GAS1: variants seen among roughly 807,000 people sequenced by gnomAD.
GAS1 encodes growth arrest specific 1, also known as growth arrest-specific protein 1.
In GAS1, 10 loss-of-function variants were observed where a neutral mutation model predicts 21.6. That is an observed-to-expected ratio of 0.46 (90% CI 0.29 to 0.79). The LOEUF is 0.79. GAS1 is among the 30% of genes least tolerant of loss of function. The pLI, the probability that GAS1 is intolerant of heterozygous loss-of-function variation, is 0.10. For synonymous variants in GAS1, 332 were observed against 264.0 expected, an observed-to-expected ratio of 1.26 and a Z score of -2.50; for missense variants, 567 against 544.3, an observed-to-expected ratio of 1.04 and a Z score of -0.42.
chr9:86,945,642 C>T lies in GAS1; in HGVS notation c.*100G>A, dbSNP rs982167978. On this transcript the variant is annotated 3_prime_UTR_variant, in exon 1 of 1. Transcript: ENST00000298743. ...TTTTGGGAAGTATCCCCAACCATCCCTTCTATCTGTCCCAAGCCACAGGTG... is the reference window on the plus strand; with the variant it reads ...TTTTGGGAAGTATCCCCAACCATCCTTTCTATCTGTCCCAAGCCACAGGTG... 5.0e-5 allele frequency: 62 copies of T among 1,231,888 alleles called. No individual in the cohort carries two copies. The highest frequency in any genetic ancestry group is 6.4e-5 in the Non-Finnish European group (60 of 934,988). 76.3% of individuals were successfully genotyped at this position (1,231,888 alleles called of 1,614,324 possible).
rs1825502892 is a variant in GAS1 at position 86,946,743 on chromosome 9, G to C, written c.37C>G (p.Arg13Gly). 2 of 1,245,126 alleles carry C rather than the reference G, an allele frequency of 1.6e-6. No individual in the cohort carries two copies. The highest frequency in any genetic ancestry group is 2.1e-5 in the South Asian group (1 of 47,912). 77.1% of individuals were successfully genotyped at this position (1,245,126 alleles called of 1,614,324 possible). The change falls in exon 1 of 1, where the codon CGC becomes GGC. Residue 13 changes from arginine to glycine, a missense_variant. Transcript: ENST00000298743. The surrounding 1 kb of genome is among the most constrained non-coding windows in gnomAD (Gnocchi z 5.2). ...CAGGCGCCCGGCACTGTCCCCCCGCGGGCCTCGCCGCCGCCGCCCAGCAGC... is the reference window on the plus strand; with the variant it reads ...CAGGCGCCCGGCACTGTCCCCCCGCCGGCCTCGCCGCCGCCGCCCAGCAGC... ...AALLGGGGEA[R>G]GGTVPGAWLC... is the part of the protein sequence containing the mutation.
chr9:86,945,958 G>A lies in GAS1; in HGVS notation c.822C>T (p.Arg274=), dbSNP rs368871405. Residue 274 remains arginine, a synonymous_variant, in exon 1 of 1, where the codon CGC becomes CGT. Coordinates refer to ENST00000298743, the MANE Select transcript of GAS1 (RefSeq NM_002048.3). ...GCTGCTCACCACCCGCGCCCCCGGT[G>A]CGCTGCTCGTCATCGTAGTCCTCAT... ...YYDEDYDDEQ[R]TGGAGGEQPL... The A allele has an allele frequency of 1.3e-5, 21 of 1,600,106 alleles. No homozygotes were observed. In the East Asian group the frequency reaches 4.5e-4, roughly 34 times the overall value.
At position 86,946,964 on chromosome 9, in the gene GAS1, T is replaced by G. The variant is rs1007776515; in HGVS notation, c.-185A>C. On this transcript the variant is annotated 5_prime_UTR_variant, in exon 1 of 1. Coordinates refer to ENST00000298743, the MANE Select transcript of GAS1 (RefSeq NM_002048.3). This position sits in a 1 kb window ranked among gnomAD's most constrained non-coding sequence, Gnocchi z 5.2. ...GCAGAAGGTCCCCTTTCGCTCTGGC[T>G]GCGGTGGCTTCCTGGAAATGAACAG... 1.5e-5 allele frequency: 5 copies of G among 330,408 alleles called. No homozygotes were observed. Among genetic ancestry groups the G allele is most frequent in the Admixed American group, 1.0e-4 (2 of 19,906 alleles). 20.5% of individuals were successfully genotyped at this position (330,408 alleles called of 1,614,324 possible).
rs1283824513 is a variant in GAS1, at chr9:86,946,502, G to C, written c.278C>G (p.Pro93Arg). The C allele has an allele frequency of 2.1e-6, 3 of 1,442,810 alleles. No homozygotes were observed. The highest frequency in any genetic ancestry group is 1.3e-5 in the South Asian group (1 of 74,506). 89.4% of individuals were successfully genotyped at this position (1,442,810 alleles called of 1,614,324 possible). A position where few individuals can be genotyped will look rare whatever the true frequency, so the allele number is the denominator to read the frequency against. ...DAPGAAAAAF[P>R]ASAASFSSRW... is the part of the protein sequence containing the mutation. The stretch of plus-strand genomic sequence containing the variant: ...CGACGAGAAAGAGGCGGCCGAGGCC[G>C]GGAAAGCGGCGGCGGCGGCCCCGGG... The change falls in exon 1 of 1, where the codon CCG becomes CGG. Residue 93 changes from proline (P) to arginine (R), a missense_variant. Pro to Arg is a moderately radical substitution (Grantham distance 103). Transcript: ENST00000298743. This position sits in a 1 kb window ranked among gnomAD's most constrained non-coding sequence, Gnocchi z 5.2.
rs758487819 is a variant in GAS1 at position 86,945,922 on chromosome 9, G to T, written c.858C>A (p.Asp286Glu). Residue 286 changes from aspartate to glutamate, a missense_variant, in exon 1 of 1, where the codon GAC (aspartate) becomes GAA (glutamate). Transcript: ENST00000298743. The part of the protein sequence containing the change: ...GGAGGEQPLD[D>E]DDGVPHPPRP... The stretch of plus-strand genomic sequence containing the variant: ...GCGGTGGGTGCGGGACGCCGTCGTC[G>T]TCGTCCAGCGGCTGCTCACCACCCG... 56 of 1,573,660 alleles carry T rather than the reference G, an allele frequency of 3.6e-5. No homozygotes were observed. The highest frequency in any genetic ancestry group is 4.8e-5 in the Non-Finnish European group (56 of 1,163,070).
chr9:86,946,716 G>T lies in GAS1; in HGVS notation c.64C>A (p.Leu22Met), dbSNP rs1301589881. The T allele has an allele frequency of 7.2e-7, 1 of 1,384,084 alleles. No homozygotes were observed. 85.7% of individuals were successfully genotyped at this position (1,384,084 alleles called of 1,614,324 possible). A position where few individuals can be genotyped will look rare whatever the true frequency, so the allele number is the denominator to read the frequency against. ...AGCTGCAGCAGCGCCATCAGGCACAGCCAGGCGCCCGGCACTGTCCCCCCG... is the reference window on the plus strand; with the variant it reads ...AGCTGCAGCAGCGCCATCAGGCACATCCAGGCGCCCGGCACTGTCCCCCCG... Reference protein sequence around the residue: ...ARGGTVPGAWLCLMALLQLLG... With the variant: ...ARGGTVPGAWMCLMALLQLLG... Residue 22 changes from leucine (L) to methionine (M), a missense_variant, in exon 1 of 1, where the codon CTG becomes ATG. Leu to Met is a conservative substitution (Grantham distance 15). Coordinates refer to ENST00000298743, the MANE Select transcript of GAS1 (RefSeq NM_002048.3). The surrounding 1 kb of genome is among the most constrained non-coding windows in gnomAD (Gnocchi z 5.2).
Position 86,946,644 on chromosome 9 carries a change from G to C in GAS1, c.136C>G (p.Leu46Val). 1 of 1,446,822 alleles carries C rather than the reference G, an allele frequency of 6.9e-7. No individual in the cohort carries two copies. Among genetic ancestry groups the C allele is most frequent in the Non-Finnish European group, 9.1e-7 (1 of 1,101,624 alleles). The allele number at this position is 1,446,822 out of a possible 1,614,324, so 89.6% of individuals were successfully genotyped here. ...TGCAGCAGCGCCTGCCAGCAGATGA[G>C]GCGGCGGCCGTGCGCCAGCCCCGAT... ...RGSGLAHGRR[L>V]ICWQALLQCQ... Residue 46 changes from leucine to valine, a missense_variant, in exon 1 of 1, where the codon CTC becomes GTC. Leu to Val is a conservative substitution (Grantham distance 32, BLOSUM62 1). Coordinates refer to ENST00000298743, the MANE Select transcript of GAS1 (RefSeq NM_002048.3). This position sits in a 1 kb window ranked among gnomAD's most constrained non-coding sequence, Gnocchi z 5.2.
chr9:86,944,691 G>A lies in GAS1; in HGVS notation c.*1051C>T, dbSNP rs1825454566. ...ATTTCAGGGGGGAAAGGTGTAATATGGATGTGAGTTTAAAACTTTTAATTT... is the reference window on the plus strand; with the variant it reads ...ATTTCAGGGGGGAAAGGTGTAATATAGATGTGAGTTTAAAACTTTTAATTT... On this transcript the variant is annotated 3_prime_UTR_variant, in exon 1 of 1. Coordinates refer to ENST00000298743, the MANE Select transcript of GAS1 (RefSeq NM_002048.3). 6.6e-6 allele frequency: 1 copy of A among 152,204 alleles called. No individual in the cohort carries two copies. The highest frequency in any genetic ancestry group is 2.1e-4 in the South Asian group (1 of 4,814). The allele number at this position is 152,204 out of a possible 1,614,324, so 9.4% of individuals were successfully genotyped here.
Position 86,946,822 on chromosome 9 carries a change from G to T in GAS1, c.-43C>A. On this transcript the variant is annotated 5_prime_UTR_variant, in exon 1 of 1. An upstream open reading frame in the 5' UTR gains an earlier in-frame stop. Coordinates refer to ENST00000298743, the MANE Select transcript of GAS1 (RefSeq NM_002048.3). This position sits in a 1 kb window ranked among gnomAD's most constrained non-coding sequence, Gnocchi z 5.2. Reference sequence around the variant, plus strand: ...GCCGGGAGAGGAGGGGAAAGGAGACGAGGCGCGGGGAGCGGCGGACGCGGA... The same window carrying T: ...GCCGGGAGAGGAGGGGAAAGGAGACTAGGCGCGGGGAGCGGCGGACGCGGA... 1.8e-6 allele frequency: 1 copy of T among 548,378 alleles called. No homozygotes were observed. Among genetic ancestry groups the T allele is most frequent in the Non-Finnish European group, 2.9e-6 (1 of 341,958 alleles). The allele number at this position is 548,378 out of a possible 1,614,324, so 34.0% of individuals were successfully genotyped here. A position where few individuals can be genotyped will look rare whatever the true frequency, so the allele number is the denominator to read the frequency against.
rs1442233370 is a variant in GAS1 at position 86,945,826 on chromosome 9, G to C, written c.954C>G (p.Ser318Arg). ...GGGGCGCCAAGCGGCCGCCGCCGCC[G>C]CTGCTCCTGCGCCCAGGCCCATAGG... Reference protein sequence around the residue: ...DLPYGPGRRSSGGGGRLAPRG... With the variant: ...DLPYGPGRRSRGGGGRLAPRG... The change falls in exon 1 of 1, where the codon AGC (serine) becomes AGG (arginine). Residue 318 changes from serine to arginine, a missense_variant. Coordinates refer to ENST00000298743, the MANE Select transcript of GAS1 (RefSeq NM_002048.3). 6.6e-7 allele frequency: 1 copy of C among 1,513,140 alleles called. No homozygotes were observed. The highest frequency in any genetic ancestry group is 8.8e-7 in the Non-Finnish European group (1 of 1,132,454). The allele number at this position is 1,513,140 out of a possible 1,614,324, so 93.7% of individuals were successfully genotyped here. A position where few individuals can be genotyped will look rare whatever the true frequency, so the allele number is the denominator to read the frequency against.
rs958204986 is a variant in GAS1 at position 86,945,749 on chromosome 9, A to T, written c.1031T>A (p.Leu344His). ...CGGCGGGGGGCGCGAGGGCTAAAAG[A>T]GCGGCCCAAGCAGCAGCAGCAAGAT... ...ASILLLLLGP[L>H]F Residue 344 changes from leucine to histidine, a missense_variant, in exon 1 of 1, where the codon CTC becomes CAC. Transcript: ENST00000298743. 4.0e-6 allele frequency: 6 copies of T among 1,517,974 alleles called. No individual in the cohort carries two copies. The highest frequency in any genetic ancestry group is 5.3e-6 in the Non-Finnish European group (6 of 1,131,332). 94.0% of individuals were successfully genotyped at this position (1,517,974 alleles called of 1,614,324 possible).
chr9:86,946,786 C>T lies in GAS1; in HGVS notation c.-7G>A. 1.1e-6 allele frequency: 1 copy of T among 873,976 alleles called. No homozygotes were observed. The allele number at this position is 873,976 out of a possible 1,614,324, so 54.1% of individuals were successfully genotyped here. ...CCAGCAGCGCGGCCACCATCGCGGG[C>T]AGCGGCGGCCGCCGGGAGAGGAGGG... On this transcript the variant is annotated 5_prime_UTR_variant, in exon 1 of 1. Transcript: ENST00000298743. The surrounding 1 kb of genome is among the most constrained non-coding windows in gnomAD (Gnocchi z 5.2).
In GAS1 at chr9:86,946,264, G is replaced by C; in HGVS notation, c.516C>G (p.Arg172=). 6.4e-7 allele frequency: 1 copy of C among 1,553,700 alleles called. No individual in the cohort carries two copies. The highest frequency in any genetic ancestry group is 8.6e-7 in the Non-Finnish European group (1 of 1,156,870). ...GVMGCTEARR[R]CDRDSRCNLA... ...GGTTGCAGCGGCTGTCGCGGTCGCA[G>C]CGCCGCCGGGCCTCGGTGCAGCCCA... is the stretch of plus-strand genomic sequence containing the variant. The change falls in exon 1 of 1, where the codon CGC becomes CGG. Residue 172 remains arginine, a synonymous_variant. Coordinates refer to ENST00000298743, the MANE Select transcript of GAS1 (RefSeq NM_002048.3). The surrounding 1 kb of genome is among the most constrained non-coding windows in gnomAD (Gnocchi z 5.2).
At position 86,946,278 on chromosome 9, in the gene GAS1, C is replaced by G; in HGVS notation, c.502G>C (p.Glu168Gln). The G allele has an allele frequency of 6.5e-7, 1 of 1,535,038 alleles. No individual in the cohort carries two copies. Among genetic ancestry groups the G allele is most frequent in the Non-Finnish European group, 8.7e-7 (1 of 1,146,832 alleles). Reference protein sequence around the residue: ...PGAGGVMGCTEARRRCDRDSR... With the variant: ...PGAGGVMGCTQARRRCDRDSR... ...TCGCGGTCGCAGCGCCGCCGGGCCT[C>G]GGTGCAGCCCATGACCCCGCCCGCG... Residue 168 changes from glutamate (E) to glutamine (Q), a missense_variant, in exon 1 of 1, where the codon GAG becomes CAG. By Grantham distance (29) the Glu-to-Gln change is conservative. Transcript: ENST00000298743. This position sits in a 1 kb window ranked among gnomAD's most constrained non-coding sequence, Gnocchi z 5.2.
Position 86,946,419 on chromosome 9 carries a change from G to A in GAS1, c.361C>T (p.Arg121Cys), listed in dbSNP as rs764355861. Reference protein sequence around the residue: ...SALIQLNHTRRGPALEDCDCA... With the variant: ...SALIQLNHTRCGPALEDCDCA... ...TCACAGTCCTCCAGGGCGGGCCCGCGGCGCGTGTGGTTGAGCTGAATGAGG... is the reference window on the plus strand; with the variant it reads ...TCACAGTCCTCCAGGGCGGGCCCGCAGCGCGTGTGGTTGAGCTGAATGAGG... The change falls in exon 1 of 1, where the codon CGC becomes TGC. Residue 121 changes from arginine (R) to cysteine (C), a missense_variant. Arg to Cys is a radical substitution (Grantham distance 180). Coordinates refer to ENST00000298743, the MANE Select transcript of GAS1 (RefSeq NM_002048.3). This position sits in a 1 kb window ranked among gnomAD's most constrained non-coding sequence, Gnocchi z 5.2. The A allele has an allele frequency of 7.4e-6, 11 of 1,491,172 alleles. No individual in the cohort carries two copies. The allele number at this position is 1,491,172 out of a possible 1,614,324, so 92.4% of individuals were successfully genotyped here.
rs1045447142 is a variant in GAS1 at position 86,947,082 on chromosome 9, C to G, written c.-303G>C. ...GGCTCACTGTCGCCCCGGGGGGGTGCGGGCCGCGGGGCCGTGGCGGGGCTG... is the reference window on the plus strand; with the variant it reads ...GGCTCACTGTCGCCCCGGGGGGGTGGGGGCCGCGGGGCCGTGGCGGGGCTG... On this transcript the variant is annotated 5_prime_UTR_variant, in exon 1 of 1. Coordinates refer to ENST00000298743, the MANE Select transcript of GAS1 (RefSeq NM_002048.3). 5 of 221,848 alleles carry G rather than the reference C, an allele frequency of 2.3e-5. No homozygotes were observed. The highest frequency in any genetic ancestry group is 1.2e-4 in the African/African-American group (5 of 43,086). The allele number at this position is 221,848 out of a possible 1,614,324, so 13.7% of individuals were successfully genotyped here.
chr9:86,946,809 G>T lies in GAS1; in HGVS notation c.-30C>A. On this transcript the variant is annotated 5_prime_UTR_variant, in exon 1 of 1. Transcript: ENST00000298743. This position sits in a 1 kb window ranked among gnomAD's most constrained non-coding sequence, Gnocchi z 5.2. Reference sequence around the variant, plus strand: ...GGCAGCGGCGGCCGCCGGGAGAGGAGGGGAAAGGAGACGAGGCGCGGGGAG... The same window carrying T: ...GGCAGCGGCGGCCGCCGGGAGAGGATGGGAAAGGAGACGAGGCGCGGGGAG... 1 of 663,926 alleles carries T rather than the reference G, an allele frequency of 1.5e-6. No homozygotes were observed. The highest frequency in any genetic ancestry group is 2.3e-6 in the Non-Finnish European group (1 of 441,840). The allele number at this position is 663,926 out of a possible 1,614,324, so 41.1% of individuals were successfully genotyped here.
chr9:86,946,139 G>A lies in GAS1; in HGVS notation c.641C>T (p.Pro214Leu). Reference sequence around the variant, plus strand: ...GCAGTCGTTGAGCAGCGCCGCCTTGGGCATAGCCAGCATGTCCTCAATGAC... The same window carrying A: ...GCAGTCGTTGAGCAGCGCCGCCTTGAGCATAGCCAGCATGTCCTCAATGAC... ...RTVIEDMLAM[P>L]KAALLNDCVC... Residue 214 changes from proline to leucine, a missense_variant, in exon 1 of 1, where the codon CCC (proline) becomes CTC (leucine). Transcript: ENST00000298743. This position sits in a 1 kb window ranked among gnomAD's most constrained non-coding sequence, Gnocchi z 5.2. 1 of 1,609,066 alleles carries A rather than the reference G, an allele frequency of 6.2e-7. No homozygotes were observed.
In GAS1 at chr9:86,946,114, G is replaced by A. The variant is rs773902849; in HGVS notation, c.666C>T (p.Cys222=). Reference sequence around the variant, plus strand: ...TGGGCCGCTCGAGGCCGTCGCACACGCAGTCGTTGAGCAGCGCCGCCTTGG... The same window carrying A: ...TGGGCCGCTCGAGGCCGTCGCACACACAGTCGTTGAGCAGCGCCGCCTTGG... ...AMPKAALLND[C]VCDGLERPIC... The change falls in exon 1 of 1, where the codon TGC becomes TGT. Residue 222 remains cysteine, a synonymous_variant. Coordinates refer to ENST00000298743, the MANE Select transcript of GAS1 (RefSeq NM_002048.3). The surrounding 1 kb of genome is among the most constrained non-coding windows in gnomAD (Gnocchi z 5.2). 6 of 1,608,860 alleles carry A rather than the reference G, an allele frequency of 3.7e-6. No individual in the cohort carries two copies. Among genetic ancestry groups the A allele is most frequent in the South Asian group, 2.2e-5 (2 of 91,068 alleles).
Sources: allele counts gnomAD v4.1 joint callset, GRCh38; gene constraint gnomAD v4.1.1; non-coding constraint Gnocchi (gnomAD v3.1); transcripts MANE v1.5; gene names NCBI Gene and HGNC (gene_info 2026-07-23, HGNC 2026-07-21).